FARP1: variants seen among roughly 807,000 people sequenced by gnomAD.
FARP1 encodes FERM, ARH/RhoGEF and pleckstrin domain protein 1, also known as FERM, ARHGEF and pleckstrin domain-containing protein 1.
A neutral mutation model predicts 128.8 loss-of-function variants in FARP1; 52 were observed. The observed-to-expected ratio is 0.40, with a 90% confidence interval of 0.32 to 0.51. The LOEUF (loss-of-function observed/expected upper bound fraction) is 0.51. FARP1 is among the 20% of genes least tolerant of loss of function. The pLI is 0.45. For missense variants in FARP1, 1,333 were observed against 1,367.9 expected (o/e 0.97, Z 0.40); for synonymous variants, 580 against 551.8 (o/e 1.05, Z -0.72).
chr13:98,434,777 C>T (rs1201989189), intron 18 of FARP1: 1 of 152,140 alleles, frequency 6.6e-6, no homozygotes, highest in Admixed American at 6.6e-5. Flanking sequence ...TGTGGATCGC[C>T]TGAGGTCAGG....
chr13:98,440,922 G>C (rs1892498148), intron 24 of FARP1, 86 bp downstream of exon 24: 1 of 1,393,292 alleles, frequency 7.2e-7, no homozygotes, highest in African/African-American at 1.4e-5. Flanking sequence ...GGGCTTGAGG[G>C]AGGCTGGGAC....
At chr13:98,213,142 G>A (rs1880833951) in intron 1 of FARP1, 78 bp from the exon 2 acceptor site, 3 of 1,189,296 alleles carry the variant, frequency 2.5e-6, no homozygotes, top group Admixed American at 4.7e-5. Context: ...GCCCACCTGG[G>A]TGGGGTTCAA....
At chr13:98,239,203 C>A (rs1409342757) in intron 2 of FARP1, among the ~76,000 whole-genome samples, 1 of 152,108 alleles carries the variant, frequency 6.6e-6, no homozygotes, top group African/African-American at 2.4e-5. Flanking sequence ...AGAAAGGAGC[C>A]CCAAGGGAAC....
chr13:98,299,730 GAAAATAAACAGT>G (rs1885845918), intron 2 of FARP1, among the ~76,000 whole-genome samples: 1 of 152,150 alleles, frequency 6.6e-6, no homozygotes, highest in African/African-American at 2.4e-5. Context: ...GAGAGCTTAG[GAAAATAAACAGT>G]AACAAAAAGC....
chr13:98,378,977 C>CTATAATA (rs1889730324), intron 6 of FARP1, among the ~76,000 whole-genome samples: 1 of 54,266 alleles, frequency 1.8e-5, no homozygotes, highest in Non-Finnish European at 3.2e-5. Flanking sequence ...AATATATAAT[C>CTATAATA]TATATATAAT....
chr13:98,165,127 A>G (rs1265290453), intron 1 of FARP1, among the ~76,000 whole-genome samples: 1 of 150,276 alleles, frequency 6.7e-6, no homozygotes, highest in Non-Finnish European at 1.5e-5. Flanking sequence ...AGGCAAGAGA[A>G]TCACTTGAAC....
intron 2 of FARP1, among the ~76,000 whole-genome samples, chr13:98,322,382 C>A (rs1178829194): frequency 6.6e-6 from 1 of 152,196 alleles, no homozygotes; most frequent in Non-Finnish European, 1.5e-5. Flanking sequence ...AGGAAAAATA[C>A]TGGCAATGTG....
rs530636702 is a variant in FARP1 at position 98,359,878 on chromosome 13, G to A, written c.277-5517G>A. Among the ~76,000 whole-genome samples the A allele has an allele frequency of 1.4e-3, 218 of 152,290 alleles. 1 individual carries two copies. The highest frequency in any genetic ancestry group is 2.0e-3 in the Non-Finnish European group (136 of 68,026). The stretch of plus-strand genomic sequence containing the variant: ...CACACATGTGTTCCAAACGGGGAAG[G>A]TAGCATTAACAGGGCATCAGAGACA... On this transcript the variant is annotated intron_variant, in intron 3 of 26. Transcript: ENST00000319562.
At chr13:98,145,975 A>G (rs1245599211) in intron 1 of FARP1, among the ~76,000 whole-genome samples, 3 of 152,150 alleles carry the variant, frequency 2.0e-5, no homozygotes, top group Non-Finnish European at 4.4e-5. Context: ...TTTTTTAAAC[A>G]GTGAAGCTTA....
chr13:98,304,827 A>AT (rs1176709924), intron 2 of FARP1, among the ~76,000 whole-genome samples: 3 of 152,226 alleles, frequency 2.0e-5, no homozygotes, highest in African/African-American at 7.2e-5. Flanking sequence ...TGCATAGAAA[A>AT]TTAACGTATT....
chr13:98,396,201 A>AC (rs1187039304), intron 13 of FARP1: 1 of 398,908 alleles, frequency 2.5e-6, no homozygotes, highest in African/African-American at 2.1e-5. Flanking sequence ...CTAATGGCAC[A>AC]CCCCCCATGG....
chr13:98,215,480 C>T (rs1385086816), intron 2 of FARP1, among the ~76,000 whole-genome samples: 2 of 152,176 alleles, frequency 1.3e-5, no homozygotes, highest in Non-Finnish European at 2.9e-5. Flanking sequence ...GTTATTTAAC[C>T]TGTCTGTATC....
rs1384566925 is a variant in FARP1, at chr13:98,232,144, GGTTT to G, written c.171+18732_171+18735del. ...CGTGCCCGGCTTTTTTTGTTTGGTT[GGTTT>G]TTTTTTTTTTTTTTTTTTGCTTAAC... On this transcript the variant is annotated intron_variant, in intron 2 of 26. Coordinates refer to ENST00000319562, the MANE Select transcript of FARP1 (RefSeq NM_005766.4). Among the ~76,000 whole-genome samples the G allele has an allele frequency of 1.3e-4, 14 of 111,682 alleles. No homozygotes were observed. The East Asian group carries it at 1.9e-3, about 15-fold the overall frequency. The allele number at this position is 111,682 out of a possible 152,430, so 73.3% of individuals were successfully genotyped here. A position where few individuals can be genotyped will look rare whatever the true frequency, so the allele number is the denominator to read the frequency against.
At chr13:98,439,731 A>G (rs1892445079) in intron 21 of FARP1, among the ~76,000 whole-genome samples, 1 of 152,130 alleles carries the variant, frequency 6.6e-6, no homozygotes, top group Admixed American at 6.5e-5. Flanking sequence ...GATTGGAGAG[A>G]GGGAAGTTTG....
chr13:98,400,436 T>C (rs1890715040), intron 13 of FARP1: 1 of 152,238 alleles, frequency 6.6e-6, no homozygotes, highest in Non-Finnish European at 1.5e-5. Context: ...ATACCTGTAA[T>C]CAGTATTCGC....
chr13:98,313,561 C>A (rs1031242459), intron 2 of FARP1, among the ~76,000 whole-genome samples: 2 of 152,198 alleles, frequency 1.3e-5, no homozygotes, highest in African/African-American at 4.8e-5. Flanking sequence ...AACTTCTGTT[C>A]CTTTAAGCCA....
intron 18 of FARP1, chr13:98,433,156 GCTA>G (rs1892112679): frequency 6.6e-6 from 1 of 152,242 alleles, no homozygotes; most frequent in African/African-American, 2.4e-5. Flanking sequence ...GAAAGCAGCG[GCTA>G]CATCCCACTG....
At chr13:98,248,310 C>T (rs1235541314) in intron 2 of FARP1, among the ~76,000 whole-genome samples, 1 of 152,114 alleles carries the variant, frequency 6.6e-6, no homozygotes, top group Admixed American at 6.5e-5. Flanking sequence ...ATAGTGGACT[C>T]AGGGACACTG....
intron 25 of FARP1, 40 bp downstream of exon 25, chr13:98,446,245 G>T: frequency 7.1e-7 from 1 of 1,409,728 alleles, no homozygotes; most frequent in South Asian, 1.2e-5. Flanking sequence ...TGGGACCTTG[G>T]GGGTGGCAGC....
Sources: allele counts gnomAD v4.1 joint callset (sites outside exome capture counted in the v4.1 genomes callset), GRCh38; gene constraint gnomAD v4.1.1; transcripts MANE v1.5; gene names NCBI Gene and HGNC (gene_info 2026-07-23, HGNC 2026-07-21).